The following MPHOSPH9 variants were observed in gnomAD, a reference collection of about 807,000 sequenced individuals.
The protein encoded by MPHOSPH9 is M-phase phosphoprotein 9.
Under a neutral mutation model 145.5 loss-of-function variants are expected in MPHOSPH9, and 88 were observed. The ratio of observed to expected loss-of-function variants is 0.60; its 90% confidence interval spans 0.51 to 0.72. The LOEUF (loss-of-function observed/expected upper bound fraction) is 0.72, where lower values mean the gene tolerates loss of function less well. Among genes scored for constraint, MPHOSPH9 ranks in the 30% least tolerant of loss-of-function variants. The probability of loss-of-function intolerance (pLI) is 0.00; values close to 1 mark genes in which losing one functional copy is unlikely to be tolerated. For missense variants in MPHOSPH9, 1,238 were observed against 1,386.6 expected, an observed-to-expected ratio of 0.89 and a Z score of 1.70; for synonymous variants, 435 against 486.2, an observed-to-expected ratio of 0.89 and a Z score of 1.39.
At chr12:123,231,352 T>A (rs2047626432) in intron 1 of MPHOSPH9, among the ~76,000 whole-genome samples, 1 of 152,258 alleles carries the variant, frequency 6.6e-6, no homozygotes, top group Admixed American at 6.5e-5. Context: ...TAATAAATTC[T>A]ACCAAGTATA....
At chr12:123,190,411 A>C (rs907869314) in intron 13 of MPHOSPH9, among the ~76,000 whole-genome samples, 13 of 152,226 alleles carry the variant, frequency 8.5e-5, no homozygotes, top group African/African-American at 3.1e-4. Flanking sequence ...TGGCCTCCCA[A>C]AGTACTGGGA....
chr12:123,202,344 T>C (rs371171434), intron 10 of MPHOSPH9, 25 bp from the exon 11 acceptor site: 12 of 1,561,702 alleles, frequency 7.7e-6, no homozygotes, highest in African/African-American at 1.4e-5. Context: ...ATAAAAAATA[T>C]ATATTAGGAA....
rs150918445 is a variant in MPHOSPH9, at chr12:123,176,707, C to T, written c.2437G>A (p.Val813Met). Residue 813 changes from valine to methionine, a missense_variant, in exon 16 of 24, where the codon GTG becomes ATG. By Grantham distance (21) the Val-to-Met change is conservative. This residue lies in a region of MPHOSPH9 where 393 missense variants were observed against 462.5 expected (regional missense o/e 0.85). Transcript: ENST00000606320. ...ACTTACTTGGCACGCGAGGGTCTCA[C>T]GTGAATTCTAGAATTATGACGAAGG... ...LSLRHNSRIH[V>M]RPSRANTLAT... The T allele has an allele frequency of 2.3e-4, 364 of 1,613,574 alleles. 1 individual carries two copies. In the African/African-American group the frequency reaches 2.9e-3, roughly 13 times the overall value.
At chr12:123,201,683 C>T (rs1441030559) in intron 11 of MPHOSPH9, among the ~76,000 whole-genome samples, 3 of 152,012 alleles carry the variant, frequency 2.0e-5, no homozygotes, top group Non-Finnish European at 2.9e-5. Context: ...CTGATCAAGT[C>T]CCGTTTAATG....
chr12:123,164,238 C>T, intron 18 of MPHOSPH9, 148 bp from the exon 19 acceptor site: 1 of 845,896 alleles, frequency 1.2e-6, no homozygotes, highest in Non-Finnish European at 1.8e-6. Context: ...TTCTCACCAG[C>T]TAGGTTATAG....
At chr12:123,196,080 C>T (rs568525199) in intron 12 of MPHOSPH9, among the ~76,000 whole-genome samples, 36 of 150,946 alleles carry the variant, frequency 2.4e-4, no homozygotes, top group Admixed American at 7.9e-4. Context: ...AAACAAAATA[C>T]GCTGGGTGCC....
intron 1 of MPHOSPH9, among the ~76,000 whole-genome samples, chr12:123,243,187 A>G (rs2047970508): frequency 6.6e-6 from 1 of 152,128 alleles, no homozygotes. Flanking sequence ...TTCAAAGTAT[A>G]TCCCTTCACA....
chr12:123,221,363 T>C lies in MPHOSPH9; in HGVS notation c.872+9A>G. On this transcript the variant is annotated intron_variant, in intron 5 of 23. Coordinates refer to ENST00000606320, the MANE Select transcript of MPHOSPH9 (RefSeq NM_022782.4). ...TAAACTCCCTTCAAATGATAGAAAT[T>C]CTACTTACCTATTTGTTTTCCCACT... 1 of 1,548,722 alleles carries C rather than the reference T, an allele frequency of 6.5e-7. No individual in the cohort carries two copies.
chr12:123,185,854 T>C (rs1037342672), intron 13 of MPHOSPH9, among the ~76,000 whole-genome samples: 1 of 152,120 alleles, frequency 6.6e-6, no homozygotes, highest in Non-Finnish European at 1.5e-5. Context: ...CTGGCAACAT[T>C]TGAATATAGA....
chr12:123,165,159 C>T (rs1350033436), intron 18 of MPHOSPH9, 143 bp downstream of exon 18: 11 of 665,286 alleles, frequency 1.7e-5, no homozygotes, highest in East Asian at 2.7e-5. Context: ...CTCTATGAAA[C>T]GGGGCTGAAG....
Position 123,221,661 on chromosome 12 carries a change from C to A in MPHOSPH9, c.583G>T (p.Val195Leu), listed in dbSNP as rs1157053803. Residue 195 changes from valine (V) to leucine (L), a missense_variant, in exon 5 of 24, where the codon GTA becomes TTA. This residue lies in a region of MPHOSPH9 where 837 missense variants were observed against 897.5 expected (regional missense o/e 0.93). Transcript: ENST00000606320. ...QPDCNVDSCS[V>L]SSGYGTFCIS... ...CAAAAGGTGCCATATCCACTGCTTA[C>A]TGAGCAACTATCCACATTGCAGTCT... is the stretch of plus-strand genomic sequence containing the variant. 9 of 1,614,042 alleles carry A rather than the reference C, an allele frequency of 5.6e-6. No individual in the cohort carries two copies. Among genetic ancestry groups the A allele is most frequent in the Non-Finnish European group, 7.6e-6 (9 of 1,180,030 alleles).
In MPHOSPH9 at chr12:123,202,205, T is replaced by C; in HGVS notation, c.1896A>G (p.Gly632=). ...GATTGGTTATCTTCCAATCTTCAACTCCAGAGATTTCTTTTGCCTCCAGCT... is the reference window on the plus strand; with the variant it reads ...GATTGGTTATCTTCCAATCTTCAACCCCAGAGATTTCTTTTGCCTCCAGCT... The part of the protein sequence containing the change: ...KQKLEAKEIS[G]VEDWKITNQI... Residue 632 remains glycine, a synonymous_variant, in exon 11 of 24, where the codon GGA becomes GGG. Transcript: ENST00000606320. 2 of 1,612,424 alleles carry C rather than the reference T, an allele frequency of 1.2e-6. No homozygotes were observed. The highest frequency in any genetic ancestry group is 1.7e-6 in the Non-Finnish European group (2 of 1,179,622).
intron 13 of MPHOSPH9, 98 bp from the exon 14 acceptor site, chr12:123,181,308 AT>A: frequency 1.0e-6 from 1 of 966,690 alleles, no homozygotes; most frequent in East Asian, 2.4e-5. Context: ...GCCTTCAAAA[AT>A]GCCAATGTCA....
chr12:123,188,334 C>T (rs1325202952), intron 13 of MPHOSPH9, among the ~76,000 whole-genome samples: 1 of 152,102 alleles, frequency 6.6e-6, no homozygotes, highest in Non-Finnish European at 1.5e-5. Context: ...TTTCAGAGAG[C>T]AATTTAGCAA....
chr12:123,224,450 T>C (rs942568809), intron 3 of MPHOSPH9, among the ~76,000 whole-genome samples: 11 of 152,026 alleles, frequency 7.2e-5, no homozygotes, highest in Admixed American at 3.9e-4. Flanking sequence ...TCATATTTTT[T>C]AGTAGAGACA....
intron 15 of MPHOSPH9, among the ~76,000 whole-genome samples, chr12:123,179,589 C>A (rs982056844): frequency 2.0e-5 from 3 of 151,474 alleles, no homozygotes; most frequent in Admixed American, 6.6e-5. Context: ...ACAACAACAA[C>A]AAAAAATCAG....
chr12:123,243,656 G>A (rs567023338), intron 1 of MPHOSPH9, among the ~76,000 whole-genome samples: 2 of 152,168 alleles, frequency 1.3e-5, no homozygotes, highest in South Asian at 2.1e-4. Flanking sequence ...AGGGAGCCGA[G>A]ATCGCGCCAC....
intron 2 of MPHOSPH9, 85 bp downstream of exon 2, chr12:123,230,176 C>T: frequency 8.2e-6 from 6 of 735,964 alleles, no homozygotes; most frequent in Non-Finnish European, 1.3e-5. Flanking sequence ...AAATCAGTAA[C>T]TATGACACTA....
chr12:123,186,591 G>C (rs1429464827), intron 13 of MPHOSPH9, among the ~76,000 whole-genome samples: 1 of 152,096 alleles, frequency 6.6e-6, no homozygotes, highest in East Asian at 1.9e-4. Flanking sequence ...TCACAGTTAG[G>C]ATCTAGATCT....
Sources: allele counts gnomAD v4.1 joint callset (sites outside exome capture counted in the v4.1 genomes callset), GRCh38; gene constraint gnomAD v4.1.1; regional missense constraint gnomAD v4.1.1; transcripts MANE v1.5; gene names NCBI Gene and HGNC (gene_info 2026-07-23, HGNC 2026-07-21).